CHEK2: variants seen among roughly 807,000 people sequenced by gnomAD.
CHEK2 encodes the protein serine/threonine-protein kinase Chk2.
A neutral mutation model predicts 69.1 loss-of-function variants in CHEK2; 71 were observed. The observed-to-expected ratio is 1.03, with a 90% CI of 0.85 to 1.25. CHEK2 has a LOEUF of 1.25. Among genes scored for constraint, CHEK2 ranks in the 50% most tolerant of loss-of-function variants. CHEK2 has a pLI of 0.00. For missense variants in CHEK2, 664 were observed against 649.6 expected, an observed-to-expected ratio of 1.02 and a Z score of -0.24; for synonymous variants, 189 against 226.9, an observed-to-expected ratio of 0.83 and a Z score of 1.50.
At chr22:28,729,841 G>A (rs1384188565) in intron 2 of CHEK2, among the ~76,000 whole-genome samples, 1 of 151,882 alleles carries the variant, frequency 6.6e-6, no homozygotes, top group Non-Finnish European at 1.5e-5. Context: ...TCTCCAACTC[G>A]TGGCCTTAAG....
intron 4 of CHEK2, among the ~76,000 whole-genome samples, chr22:28,720,014 T>G (rs559046676): frequency 2.0e-5 from 3 of 152,300 alleles, no homozygotes; most frequent in South Asian, 2.1e-4. Flanking sequence ...TCAACATATT[T>G]GTAAAGCTAG....
intron 4 of CHEK2, chr22:28,724,621 C>T (rs2053920473): frequency 3.4e-5 from 12 of 347,992 alleles, no homozygotes; most frequent in South Asian, 2.9e-4. Context: ...GGCTAGAGTG[C>T]AATGGCACGA....
At chr22:28,730,394 G>T in intron 2 of CHEK2, 1 of 572,430 alleles carries the variant, frequency 1.7e-6, no homozygotes, top group East Asian at 3.1e-5. Flanking sequence ...AAAGGGAAAG[G>T]GAAAGACCCA....
chr22:28,692,604 G>A (rs2052408564), intron 13 of CHEK2, among the ~76,000 whole-genome samples: 1 of 152,206 alleles, frequency 6.6e-6, no homozygotes, highest in Non-Finnish European at 1.5e-5. Flanking sequence ...GTACGGGTCG[G>A]AGGCTGGACT....
At chr22:28,706,854 TG>T (rs2053170387) in intron 7 of CHEK2, among the ~76,000 whole-genome samples, 1 of 151,450 alleles carries the variant, frequency 6.6e-6, no homozygotes, top group Non-Finnish European at 1.5e-5. Context: ...AGGCGGAGGT[TG>T]CAGTAAGCCG....
At position 28,713,450 on chromosome 22, in the gene CHEK2, C is replaced by T. The variant is rs1486954690; in HGVS notation, c.684-1433G>A. 2.6e-5 allele frequency among the ~76,000 whole-genome samples: 4 copies of T among 151,322 alleles called. No individual in the cohort carries two copies. In the East Asian group the frequency reaches 5.8e-4, roughly 22 times the overall value. ...TCTCGGCTCACCGCAAGCTCCGCCT[C>T]CCGGGTTCACGCCATTCTGCCTCAG... On this transcript the variant is annotated intron_variant, in intron 5 of 14. Coordinates refer to ENST00000404276, the MANE Select transcript of CHEK2 (RefSeq NM_007194.4).
chr22:28,711,502 T>C (rs2053388668), intron 6 of CHEK2, among the ~76,000 whole-genome samples: 2 of 152,092 alleles, frequency 1.3e-5, no homozygotes, highest in East Asian at 3.8e-4. Flanking sequence ...ATTTCAACCA[T>C]CTAAAAACAC....
chr22:28,718,370 G>T (rs375057947), intron 5 of CHEK2, among the ~76,000 whole-genome samples: 4 of 151,924 alleles, frequency 2.6e-5, no homozygotes, highest in African/African-American at 9.7e-5. Context: ...TAGTATAAAG[G>T]TTCCCCAAAA....
intron 2 of CHEK2, among the ~76,000 whole-genome samples, chr22:28,731,687 T>G (rs1232200257): frequency 6.6e-6 from 1 of 152,160 alleles, no homozygotes; most frequent in Admixed American, 6.6e-5. Context: ...TGTTTACTTG[T>G]CTTTTTTTGT....
intron 6 of CHEK2, among the ~76,000 whole-genome samples, chr22:28,711,113 T>C (rs2053374978): frequency 6.6e-6 from 1 of 152,182 alleles, no homozygotes; most frequent in African/African-American, 2.4e-5. Context: ...AAAATGTGAT[T>C]AGAGGCTGTG....
chr22:28,701,867 TCA>T (rs915949734), intron 8 of CHEK2, among the ~76,000 whole-genome samples: 5 of 152,110 alleles, frequency 3.3e-5, no homozygotes, highest in Admixed American at 6.6e-5. Context: ...AGGAGCTCTC[TCA>T]GAGACCAAAA....
intron 5 of CHEK2, among the ~76,000 whole-genome samples, chr22:28,714,868 C>T (rs574181838): frequency 1.3e-5 from 2 of 152,300 alleles, no homozygotes; most frequent in Non-Finnish European, 2.9e-5. Context: ...GCTCAAAGCA[C>T]TTTCCAATTT....
chr22:28,711,745 T>C (rs1210814499), intron 6 of CHEK2, among the ~76,000 whole-genome samples, 164 bp downstream of exon 6: 2 of 152,184 alleles, frequency 1.3e-5, no homozygotes, highest in African/African-American at 4.8e-5. Context: ...AGTTTCTAGA[T>C]TAATCAAAGA....
chr22:28,698,861 A>C (rs2052701113), intron 9 of CHEK2, among the ~76,000 whole-genome samples: 1 of 152,122 alleles, frequency 6.6e-6, no homozygotes, highest in Non-Finnish European at 1.5e-5. Context: ...CACAATCATC[A>C]CAACTTGCAG....
In CHEK2 at chr22:28,740,984, CG is replaced by C. The variant is rs547061967; in HGVS notation, c.-7+784del. 9.2e-5 allele frequency among the ~76,000 whole-genome samples: 14 copies of C among 151,858 alleles called. No homozygotes were observed. The South Asian group carries it at 2.9e-3, about 32-fold the overall frequency. On this transcript the variant is annotated intron_variant, in intron 1 of 14. Coordinates refer to ENST00000404276, the MANE Select transcript of CHEK2 (RefSeq NM_007194.4). ...CAGCCTGGCCAACATGGTGAAACCT[CG>C]TCTCTACTAAAAATACTAGCCGGGC... is the stretch of plus-strand genomic sequence containing the variant.
At chr22:28,692,196 A>AT (rs1000952227) in intron 13 of CHEK2, among the ~76,000 whole-genome samples, 3 of 152,202 alleles carry the variant, frequency 2.0e-5, no homozygotes, top group East Asian at 1.9e-4. Flanking sequence ...GGCCAGCTCT[A>AT]TTTTTTGTTA....
intron 7 of CHEK2, chr22:28,708,850 G>A (rs903782370): frequency 3.2e-5 from 8 of 253,920 alleles, no homozygotes; most frequent in African/African-American, 1.2e-4. Context: ...CTACTCGGGA[G>A]GCTGAGACAG....
intron 2 of CHEK2, chr22:28,728,073 C>G (rs574711317): frequency 6.6e-6 from 1 of 152,334 alleles, no homozygotes; most frequent in East Asian, 1.9e-4. Context: ...CGAGGCTGCA[C>G]TAAGCTGTGG....
At chr22:28,733,923 A>C (rs74782942) in intron 2 of CHEK2, among the ~76,000 whole-genome samples, 1 of 134,188 alleles carries the variant, frequency 7.5e-6, no homozygotes. Flanking sequence ...CTCCGTTGCC[A>C]AAAAAAAAAA....
Sources: gnomAD v4.1 joint callset for allele counts (sites outside exome capture counted in the v4.1 genomes callset) on GRCh38, gnomAD v4.1.1 for gene constraint, MANE v1.5 for transcripts, NCBI Gene and HGNC (gene_info 2026-07-23, HGNC 2026-07-21) for gene names.